RBM28: variants seen among roughly 807,000 people sequenced by gnomAD.
The protein encoded by RBM28 is RNA binding motif protein 28, also known as RNA-binding protein 28.
In RBM28, 78 loss-of-function variants were observed where a neutral mutation model predicts 98.3. That is an observed-to-expected ratio of 0.79 (90% CI 0.66 to 0.96). The LOEUF is 0.96. Ranked by LOEUF, RBM28 falls within the 40% of genes least tolerant of loss-of-function variation. RBM28 has a pLI of 0.00. For synonymous variants in RBM28, 306 were observed against 330.9 expected (o/e 0.92, Z 0.82); for missense variants, 838 against 913.0 (o/e 0.92, Z 1.06).
chr7:128,334,353 T>C (rs1796551044), intron 8 of RBM28, among the ~76,000 whole-genome samples: 1 of 152,232 alleles, frequency 6.6e-6, no homozygotes, highest in African/African-American at 2.4e-5. Flanking sequence ...GTCCTATAAG[T>C]TTTTTAGGTG....
intron 17 of RBM28, among the ~76,000 whole-genome samples, chr7:128,313,681 G>C (rs1796038398): frequency 6.6e-6 from 1 of 152,212 alleles, no homozygotes; most frequent in Non-Finnish European, 1.5e-5. Context: ...GTAATCCCCA[G>C]TGTTGAAGGC....
At chr7:128,327,118 C>A (rs984673287) in intron 10 of RBM28, among the ~76,000 whole-genome samples, 1 of 151,216 alleles carries the variant, frequency 6.6e-6, no homozygotes, top group Non-Finnish European at 1.5e-5. Flanking sequence ...GGTGACAGAG[C>A]GAGACCTTGT....
At chr7:128,336,441 T>C (rs544802428) in intron 6 of RBM28, among the ~76,000 whole-genome samples, 2 of 152,336 alleles carry the variant, frequency 1.3e-5, no homozygotes, top group East Asian at 3.9e-4. Flanking sequence ...TACCAGCCAA[T>C]TGTTTTCTAA....
Position 128,330,871 on chromosome 7 carries a change from T to G in RBM28, c.1077A>C (p.Gly359=). The change falls in exon 10 of 19, where the codon GGA becomes GGC. Residue 359 remains glycine, a synonymous_variant. Coordinates refer to ENST00000223073, the MANE Select transcript of RBM28 (RefSeq NM_018077.3). ...EELGELLQQF[G]ELKYVRIVLH... The stretch of plus-strand genomic sequence containing the variant: ...AGACAATGCGGACATATTTGAGTTC[T>G]CCAAACTGTTGGAGAAGCTCCCCAA... 1 of 1,614,160 alleles carries G rather than the reference T, an allele frequency of 6.2e-7. No homozygotes were observed. Among genetic ancestry groups the G allele is most frequent in the Non-Finnish European group, 8.5e-7 (1 of 1,179,996 alleles).
intron 18 of RBM28, among the ~76,000 whole-genome samples, chr7:128,312,600 A>G (rs1353608121): frequency 2.6e-5 from 4 of 152,184 alleles, no homozygotes; most frequent in Admixed American, 6.5e-5. Context: ...GGTAAGGGAG[A>G]ATGGATATTA....
intron 4 of RBM28, 119 bp downstream of exon 4, chr7:128,338,607 A>G: frequency 1.2e-6 from 1 of 820,502 alleles, no homozygotes; most frequent in South Asian, 1.5e-5. Context: ...TAAAACCATT[A>G]TTTGGGTTTT....
chr7:128,342,698 C>T (rs1489844581), intron 1 of RBM28, among the ~76,000 whole-genome samples: 1 of 151,922 alleles, frequency 6.6e-6, no homozygotes, highest in Non-Finnish European at 1.5e-5. Context: ...AAAAAAAAAT[C>T]TTACATGATC....
chr7:128,338,430 A>C, intron 4 of RBM28, 88 bp from the exon 5 acceptor site: 1 of 1,099,864 alleles, frequency 9.1e-7, no homozygotes, highest in Non-Finnish European at 1.4e-6. Context: ...TCAGGCCCAC[A>C]AGATGGCCCA....
In RBM28 at chr7:128,326,054, C is replaced by T. The variant is rs1415583986; in HGVS notation, c.1130-163G>A. ...GTGCAGTGGCTCACACCTGTAATCC[C>T]GGCACTTTGGGAGGCCGATGCGGGC... On this transcript the variant is annotated intron_variant, in intron 10 of 18. Transcript: ENST00000223073. Among the ~76,000 whole-genome samples, 4 of 152,136 alleles carry T rather than the reference C, an allele frequency of 2.6e-5. No homozygotes were observed. The South Asian group carries it at 6.2e-4, about 24-fold the overall frequency.
intron 10 of RBM28, among the ~76,000 whole-genome samples, chr7:128,328,009 G>A (rs1796392028): frequency 1.3e-5 from 2 of 152,022 alleles, no homozygotes; most frequent in South Asian, 4.1e-4. Context: ...GGACACATGC[G>A]CCAGGCCAAC....
rs1796778859 is a variant in RBM28, at chr7:128,343,676, CT to C, written c.117del (p.Ser41ValfsTer35). 8 of 1,603,492 alleles carry C rather than the reference CT, an allele frequency of 5.0e-6. No homozygotes were observed. The highest frequency in any genetic ancestry group is 2.3e-5 in the East Asian group (1 of 43,858). On this transcript the variant is annotated frameshift_variant and splice_region_variant, in exon 1 of 19. Coordinates refer to ENST00000223073, the MANE Select transcript of RBM28 (RefSeq NM_018077.3). LOFTEE classifies it high-confidence loss of function. ...PVKQCFVVTEKGSKACRGFGY... is the reference protein window; with the variant it reads ...PVKQCFVVTEXGSKACRGFGY... ...CTATCCTCGACCGCCCCGCCCCTACCTTTTTCAGTCACCACGAAGCACTGCT... is the reference window on the plus strand; with the variant it reads ...CTATCCTCGACCGCCCCGCCCCTACCTTTTCAGTCACCACGAAGCACTGCT...
At chr7:128,315,357 A>C (rs1044047258) in intron 16 of RBM28, among the ~76,000 whole-genome samples, 1 of 152,248 alleles carries the variant, frequency 6.6e-6, no homozygotes, top group African/African-American at 2.4e-5. Context: ...GCAACAGAAA[A>C]GATAATGAAG....
At chr7:128,311,584 G>A (rs979355914) in intron 18 of RBM28, among the ~76,000 whole-genome samples, 9 of 152,112 alleles carry the variant, frequency 5.9e-5, no homozygotes, top group Non-Finnish European at 1.2e-4. Flanking sequence ...AGACAAATAC[G>A]CCACATCAGA....
rs970433301 is a variant in RBM28 at position 128,337,435 on chromosome 7, A to G, written c.542-233T>C. Reference sequence around the variant, plus strand: ...TTTCTACATAGCCACCACACCTGGGATAAGATGGAGTAAAAAAATAAAGAA... The same window carrying G: ...TTTCTACATAGCCACCACACCTGGGGTAAGATGGAGTAAAAAAATAAAGAA... On this transcript the variant is annotated intron_variant, in intron 5 of 18. Transcript: ENST00000223073. 2.9e-3 allele frequency among the ~76,000 whole-genome samples: 444 copies of G among 152,172 alleles called. 2 individuals are homozygous for G. Among genetic ancestry groups the G allele is most frequent in the African/African-American group, 9.9e-3 (412 of 41,510 alleles).
chr7:128,326,132 G>A lies in RBM28; in HGVS notation c.1130-241C>T, dbSNP rs571755582. Among the ~76,000 whole-genome samples, 15 of 152,102 alleles carry A rather than the reference G, an allele frequency of 9.9e-5. 1 individual carries two copies. The highest frequency in any genetic ancestry group is 1.4e-4 in the African/African-American group (6 of 41,468). On this transcript the variant is annotated intron_variant, in intron 10 of 18. Transcript: ENST00000223073. ...ATCCTGGCCAACACAGTGAAACCCCGTCGCTACTAAAAATACAAAAAATTA... is the reference window on the plus strand; with the variant it reads ...ATCCTGGCCAACACAGTGAAACCCCATCGCTACTAAAAATACAAAAAATTA...
chr7:128,310,769 C>G lies in RBM28; in HGVS notation c.*28G>C. 2 of 1,613,178 alleles carry G rather than the reference C, an allele frequency of 1.2e-6. No homozygotes were observed. Among genetic ancestry groups the G allele is most frequent in the Non-Finnish European group, 1.7e-6 (2 of 1,179,964 alleles). ...GAGTGTCACCAGAAAGTACACAACCCAGCTTCTTACCCAGCCTGCTGCCAT... is the reference window on the plus strand; with the variant it reads ...GAGTGTCACCAGAAAGTACACAACCGAGCTTCTTACCCAGCCTGCTGCCAT... On this transcript the variant is annotated 3_prime_UTR_variant, in exon 19 of 19. Coordinates refer to ENST00000223073, the MANE Select transcript of RBM28 (RefSeq NM_018077.3).
chr7:128,343,830 A>G lies in RBM28; in HGVS notation c.-37T>C. 2 of 1,468,028 alleles carry G rather than the reference A, an allele frequency of 1.4e-6. No homozygotes were observed. The highest frequency in any genetic ancestry group is 1.8e-6 in the Non-Finnish European group (2 of 1,081,196). The allele number at this position is 1,468,028 out of a possible 1,614,324, so 90.9% of individuals were successfully genotyped here. Reference sequence around the variant, plus strand: ...ACCCAAAGCGCGTGAGGACGCGAGCAAACTAGGCCGGCGCACGCGAGCCGA... The same window carrying G: ...ACCCAAAGCGCGTGAGGACGCGAGCGAACTAGGCCGGCGCACGCGAGCCGA... On this transcript the variant is annotated 5_prime_UTR_variant, in exon 1 of 19. Coordinates refer to ENST00000223073, the MANE Select transcript of RBM28 (RefSeq NM_018077.3).
At position 128,321,545 on chromosome 7, in the gene RBM28, G is replaced by A. The variant is rs1333287160; in HGVS notation, c.1405-121C>T. The stretch of plus-strand genomic sequence containing the variant: ...TAACCACACATATAGAAAACGGATG[G>A]AAACTGCCCACACCGCAGCTTTACA... On this transcript the variant is annotated intron_variant, in intron 13 of 18. Coordinates refer to ENST00000223073, the MANE Select transcript of RBM28 (RefSeq NM_018077.3). 9.7e-6 allele frequency: 12 copies of A among 1,242,662 alleles called. No homozygotes were observed. The Admixed American group carries it at 1.7e-4, about 18-fold the overall frequency. 77.0% of individuals were successfully genotyped at this position (1,242,662 alleles called of 1,614,324 possible). A position where few individuals can be genotyped will look rare whatever the true frequency, so the allele number is the denominator to read the frequency against.
Position 128,314,884 on chromosome 7 carries a change from G to A in RBM28, c.1925C>T (p.Ala642Val), listed in dbSNP as rs140126189. ...SKVPPEQKRKAGSTSWTGFQT... is the reference protein window; with the variant it reads ...SKVPPEQKRKVGSTSWTGFQT... ...GAACCCGGTCCATGAGGTAGAGCCC[G>A]CCTTTCTCTTCTGCTCTGGGGGCAC... Residue 642 changes from alanine (A) to valine (V), a missense_variant, in exon 17 of 19, where the codon GCG (alanine) becomes GTG (valine). By Grantham distance (64) the Ala-to-Val change is moderately conservative. Transcript: ENST00000223073. The A allele has an allele frequency of 2.8e-5, 46 of 1,614,048 alleles. No individual in the cohort carries two copies. Among genetic ancestry groups the A allele is most frequent in the African/African-American group, 4.0e-5 (3 of 74,916 alleles).
Sources: gnomAD v4.1 joint callset for allele counts (sites outside exome capture counted in the v4.1 genomes callset) on GRCh38, gnomAD v4.1.1 for gene constraint, MANE v1.5 for transcripts, NCBI Gene and HGNC (gene_info 2026-07-23, HGNC 2026-07-21) for gene names.